Variants in SERINC3 observed in about 807,000 individuals in gnomAD.
The protein encoded by SERINC3 is serine incorporator 3.
In SERINC3, 22 loss-of-function variants were observed where a neutral mutation model predicts 52.1. That is an observed-to-expected ratio of 0.42 (90% CI 0.30 to 0.60). The LOEUF (loss-of-function observed/expected upper bound fraction) is 0.60, where lower values mean the gene tolerates loss of function less well. Among genes scored for constraint, SERINC3 ranks in the 20% least tolerant of loss-of-function variants. The probability of loss-of-function intolerance (pLI) is 0.16; values close to 1 mark genes in which losing one functional copy is unlikely to be tolerated. For missense variants in SERINC3, 564 were observed against 584.6 expected (o/e 0.96, Z 0.36); for synonymous variants, 226 against 212.7 (o/e 1.06, Z -0.54).
chr20:44,500,620 C>T (rs1568783317), intron 9 of SERINC3, among the ~76,000 whole-genome samples, 186 bp from the exon 10 acceptor site: 1 of 152,188 alleles, frequency 6.6e-6, no homozygotes, highest in African/African-American at 2.4e-5. Flanking sequence ...AACTAAACAG[C>T]TCATTGACTC....
chr20:44,518,336 AAAAAG>A (rs1355774514), intron 1 of SERINC3, among the ~76,000 whole-genome samples: 4 of 151,822 alleles, frequency 2.6e-5, no homozygotes, highest in African/African-American at 9.6e-5. Flanking sequence ...AAAAAAAAAA[AAAAAG>A]AAGCCCTGAA....
At chr20:44,519,485 G>T in intron 1 of SERINC3, 3 of 499,062 alleles carry the variant, frequency 6.0e-6, no homozygotes, top group African/African-American at 2.1e-5. Context: ...TCTCTATATG[G>T]GTGCATCAGA....
chr20:44,506,221 T>C (rs944272999), intron 6 of SERINC3, among the ~76,000 whole-genome samples: 5 of 145,708 alleles, frequency 3.4e-5, no homozygotes, highest in East Asian at 2.0e-4. Context: ...GTGGAGGTTG[T>C]AGTGAGCTGA....
intron 8 of SERINC3, among the ~76,000 whole-genome samples, chr20:44,501,981 CT>C (rs1393204774): frequency 6.6e-6 from 1 of 152,180 alleles, no homozygotes; most frequent in Non-Finnish European, 1.5e-5. Context: ...GTAGAACTTC[CT>C]CAGGCTGACA....
At chr20:44,517,006 G>A (rs1325765641) in intron 1 of SERINC3, among the ~76,000 whole-genome samples, 1 of 152,132 alleles carries the variant, frequency 6.6e-6, no homozygotes, top group East Asian at 1.9e-4. Flanking sequence ...ATGGTCCCAG[G>A]AATAATCTTC....
In SERINC3 at chr20:44,519,765, G is replaced by A. The variant is rs551561436; in HGVS notation, c.39+2148C>T. On this transcript the variant is annotated intron_variant, in intron 1 of 9. Coordinates refer to ENST00000342374, the MANE Select transcript of SERINC3 (RefSeq NM_006811.4). ...TGAGCCACTGCACTCCAGCCTGGGT[G>A]ACAGAGCAAAACTCTGTCCCCCTCC... 4.6e-5 allele frequency among the ~76,000 whole-genome samples: 7 copies of A among 151,246 alleles called. No individual in the cohort carries two copies. The East Asian group carries it at 1.4e-3, about 29-fold the overall frequency.
intron 1 of SERINC3, among the ~76,000 whole-genome samples, chr20:44,518,415 A>G (rs890822898): frequency 1.1e-4 from 17 of 151,030 alleles, no homozygotes; most frequent in African/African-American, 3.9e-4. Context: ...ATGCAGAGGA[A>G]AAAAAAAAGC....
At chr20:44,504,298 G>A (rs369111799) in intron 7 of SERINC3, among the ~76,000 whole-genome samples, 94 of 152,276 alleles carry the variant, frequency 6.2e-4, no homozygotes, top group African/African-American at 2.1e-3. Context: ...AAGCACAGAA[G>A]TTTATCTCTA....
At chr20:44,511,863 G>C (rs536147794) in intron 3 of SERINC3, among the ~76,000 whole-genome samples, 1 of 152,314 alleles carries the variant, frequency 6.6e-6, no homozygotes, top group Admixed American at 6.5e-5. Context: ...CCAGGCTTTG[G>C]AGCTGGACAG....
chr20:44,511,685 T>C (rs1412130940), intron 3 of SERINC3, among the ~76,000 whole-genome samples: 2 of 151,814 alleles, frequency 1.3e-5, no homozygotes, highest in East Asian at 1.9e-4. Flanking sequence ...AATAACAGTG[T>C]TAGGTACACA....
intron 8 of SERINC3, among the ~76,000 whole-genome samples, chr20:44,502,460 G>A (rs537542512): frequency 6.6e-6 from 1 of 151,470 alleles, no homozygotes; most frequent in South Asian, 2.1e-4. Flanking sequence ...GTGTGTGCCT[G>A]TAGTTTCAGC....
intron 3 of SERINC3, 24 bp from the exon 4 acceptor site, chr20:44,511,392 T>G: frequency 1.4e-6 from 2 of 1,470,956 alleles, no homozygotes; most frequent in South Asian, 1.1e-5. Flanking sequence ...AAAATGCATT[T>G]ATGAAATGCT....
At position 44,522,023 on chromosome 20, in the gene SERINC3, G is replaced by C. The variant is rs1174709712; in HGVS notation, c.-72C>G. ...CACGGTGGTAACTGCCAGCTGAGGTGACTCCCCAGAAACATGACGGTTTCT... is the reference window on the plus strand; with the variant it reads ...CACGGTGGTAACTGCCAGCTGAGGTCACTCCCCAGAAACATGACGGTTTCT... On this transcript the variant is annotated 5_prime_UTR_variant, in exon 1 of 10. Transcript: ENST00000342374. The C allele has an allele frequency of 6.9e-7, 1 of 1,456,624 alleles. No homozygotes were observed. Among genetic ancestry groups the C allele is most frequent in the Non-Finnish European group, 9.4e-7 (1 of 1,061,168 alleles). 90.2% of individuals were successfully genotyped at this position (1,456,624 alleles called of 1,614,324 possible).
intron 1 of SERINC3, 77 bp downstream of exon 1, chr20:44,521,836 A>G (rs2064419011): frequency 5.6e-6 from 8 of 1,437,884 alleles, no homozygotes; most frequent in Non-Finnish European, 7.7e-6. Context: ...TCTGGAGCCA[A>G]GGCCCGTGCA....
At chr20:44,517,632 C>T (rs2064388575) in intron 1 of SERINC3, among the ~76,000 whole-genome samples, 1 of 151,756 alleles carries the variant, frequency 6.6e-6, no homozygotes, top group African/African-American at 2.4e-5. Context: ...TTCTCTCTCA[C>T]CACCCTTAGA....
intron 1 of SERINC3, among the ~76,000 whole-genome samples, chr20:44,517,726 C>G (rs553731663): frequency 1.3e-5 from 2 of 152,186 alleles, no homozygotes; most frequent in South Asian, 4.1e-4. Context: ...TTAAGCCACT[C>G]GGTCTGTGGT....
At chr20:44,506,084 T>A (rs1328893799) in intron 6 of SERINC3, among the ~76,000 whole-genome samples, 2 of 149,604 alleles carry the variant, frequency 1.3e-5, no homozygotes, top group Non-Finnish European at 3.0e-5. Flanking sequence ...GTGGATCACC[T>A]GAGGTCAGGA....
chr20:44,515,647 A>G (rs1184344977), intron 1 of SERINC3, among the ~76,000 whole-genome samples: 1 of 151,466 alleles, frequency 6.6e-6, no homozygotes, highest in East Asian at 1.9e-4. Context: ...ATGCCACTAT[A>G]CGCTTTTTTA....
At chr20:44,497,187 C>A (rs1184391686), downstream of SERINC3, among the ~76,000 whole-genome samples, 1 of 152,180 alleles carries the variant, frequency 6.6e-6, no homozygotes, top group Non-Finnish European at 1.5e-5. Flanking sequence ...TGAAAGGCCA[C>A]CCTGAGATCT....
Sources: gnomAD v4.1 joint callset for allele counts (sites outside exome capture counted in the v4.1 genomes callset) on GRCh38, gnomAD v4.1.1 for gene constraint, MANE v1.5 for transcripts, NCBI Gene and HGNC (gene_info 2026-07-23, HGNC 2026-07-21) for gene names.